The following BMPER variants were observed in gnomAD, a reference collection of about 807,000 sequenced individuals.
BMPER encodes BMP binding endothelial regulator.
In BMPER, 45 loss-of-function variants were observed where a neutral mutation model predicts 87.3. The ratio of observed to expected loss-of-function variants is 0.52; its 90% confidence interval spans 0.41 to 0.66. The LOEUF is 0.66. Ranked by LOEUF, BMPER falls within the 30% of genes least tolerant of loss-of-function variation. The pLI, the probability that BMPER is intolerant of heterozygous loss-of-function variation, is 0.00. For missense variants in BMPER, 784 were observed against 867.5 expected, an observed-to-expected ratio of 0.90 and a Z score of 1.21; for synonymous variants, 326 against 316.2, an observed-to-expected ratio of 1.03 and a Z score of -0.33.
intron 6 of BMPER, among the ~76,000 whole-genome samples, chr7:34,039,567 T>A (rs1244025606): frequency 6.7e-6 from 1 of 150,332 alleles, no homozygotes; most frequent in African/African-American, 2.4e-5. Context: ...AGTGTGAAGG[T>A]TGAGGAACTC....
At chr7:34,000,807 T>C (rs1197326368) in intron 6 of BMPER, among the ~76,000 whole-genome samples, 1 of 152,116 alleles carries the variant, frequency 6.6e-6, no homozygotes, top group Non-Finnish European at 1.5e-5. Flanking sequence ...CACCATTAAG[T>C]ATGATGCTAG....
At chr7:33,910,739 A>G (rs1783938716) in intron 2 of BMPER, among the ~76,000 whole-genome samples, 1 of 151,126 alleles carries the variant, frequency 6.6e-6, no homozygotes, top group South Asian at 2.1e-4. Flanking sequence ...CTTGGAGCCA[A>G]TCAAATAGTG....
intron 11 of BMPER, among the ~76,000 whole-genome samples, chr7:34,073,432 A>G (rs1377723821): frequency 6.6e-6 from 1 of 152,232 alleles, no homozygotes; most frequent in East Asian, 1.9e-4. Context: ...ATCTAAATAC[A>G]TCTAAACATA....
chr7:34,012,640 G>A (rs781105309), intron 6 of BMPER, among the ~76,000 whole-genome samples: 4 of 151,544 alleles, frequency 2.6e-5, no homozygotes, highest in African/African-American at 4.8e-5. Flanking sequence ...CTCAAAACCT[G>A]GGAAAAATAA....
chr7:33,992,538 C>T (rs879631321), intron 6 of BMPER, among the ~76,000 whole-genome samples: 222 of 146,818 alleles, frequency 1.5e-3, no homozygotes, highest in Middle Eastern at 3.5e-3. Context: ...GTTTCCTGAA[C>T]ACAGCACACT....
intron 3 of BMPER, among the ~76,000 whole-genome samples, chr7:33,965,875 ATGGG>A: frequency 2.7e-3 from 1 of 370 alleles, no homozygotes; most frequent in African/African-American, 0.013. Flanking sequence ...CATACTTTAG[ATGGG>A]TAGTTTCAGA....
At chr7:34,125,793 T>G (rs1432638321) in intron 13 of BMPER, among the ~76,000 whole-genome samples, 2 of 152,244 alleles carry the variant, frequency 1.3e-5, no homozygotes, top group Admixed American at 1.3e-4. Flanking sequence ...TTGTGTTGCT[T>G]AATTTGGCAT....
At chr7:34,008,474 T>C (rs1786792838) in intron 6 of BMPER, among the ~76,000 whole-genome samples, 1 of 152,026 alleles carries the variant, frequency 6.6e-6, no homozygotes, top group African/African-American at 2.4e-5. Context: ...CAGTTTTTTT[T>C]CAATTATTTT....
Position 34,078,904 on chromosome 7 carries a change from G to T in BMPER, c.1126G>T (p.Asp376Tyr). The change falls in exon 12 of 15, where the codon GAC becomes TAC. Residue 376 changes from aspartate (D) to tyrosine (Y), a missense_variant. Physicochemically the swap from Asp to Tyr is radical, Grantham distance 160. Coordinates refer to ENST00000649409, the MANE Select transcript of BMPER (RefSeq NM_001365308.1). Reference protein sequence around the residue: ...VFGDPHYNTFDGRTFNFQGTC... With the variant: ...VFGDPHYNTFYGRTFNFQGTC... ...TGGAGATCCCCACTACAACACTTTT[G>T]ACGGTCGGACATTTAACTTTCAGGG... The T allele has an allele frequency of 6.2e-7, 1 of 1,614,196 alleles. No individual in the cohort carries two copies. The highest frequency in any genetic ancestry group is 8.5e-7 in the Non-Finnish European group (1 of 1,180,040).
chr7:33,905,865 T>G, intron 1 of BMPER, 119 bp downstream of exon 1: 1 of 1,358,146 alleles, frequency 7.4e-7, no homozygotes, highest in Non-Finnish European at 1.0e-6. Context: ...GCGCTTGCCC[T>G]GCGCTGGTCG....
intron 13 of BMPER, among the ~76,000 whole-genome samples, chr7:34,100,156 G>T (rs1014358287): frequency 6.6e-6 from 1 of 152,176 alleles, no homozygotes; most frequent in Non-Finnish European, 1.5e-5. Flanking sequence ...TAAACAGCAT[G>T]ATTCCTGTCT....
intron 2 of BMPER, among the ~76,000 whole-genome samples, chr7:33,934,131 A>G (rs1464385678): frequency 6.6e-6 from 1 of 152,210 alleles, no homozygotes; most frequent in Non-Finnish European, 1.5e-5. Context: ...TCCTGAAGGC[A>G]TGGCTTTGCG....
chr7:33,976,156 A>T (rs973802473), intron 6 of BMPER, among the ~76,000 whole-genome samples: 6 of 151,846 alleles, frequency 4.0e-5, no homozygotes, highest in African/African-American at 1.5e-4. Flanking sequence ...TTTATTTTTT[A>T]TTTTTTTATT....
At chr7:33,937,561 T>A (rs572527254) in intron 3 of BMPER, 173 bp downstream of exon 3, 3 of 664,568 alleles carry the variant, frequency 4.5e-6, no homozygotes, top group African/African-American at 3.6e-5. Context: ...TGTGTATGTG[T>A]GTATCTGGGG....
intron 6 of BMPER, among the ~76,000 whole-genome samples, chr7:34,039,330 G>A (rs897714100): frequency 5.9e-5 from 9 of 152,236 alleles, no homozygotes; most frequent in African/African-American, 1.9e-4. Context: ...CGCATTCCTG[G>A]ACTGTGGTTT....
At chr7:34,016,010 G>GAA (rs1491298540) in intron 6 of BMPER, among the ~76,000 whole-genome samples, 21 of 145,422 alleles carry the variant, frequency 1.4e-4, no homozygotes, top group African/African-American at 5.0e-4. Context: ...GAGAGAGAGT[G>GAA]AGAGAGAGAG....
At chr7:34,107,506 G>C (rs1242495738) in intron 13 of BMPER, among the ~76,000 whole-genome samples, 2 of 152,206 alleles carry the variant, frequency 1.3e-5, no homozygotes, top group Non-Finnish European at 1.5e-5. Context: ...TTGGAACAAA[G>C]GCAACTGGCT....
At chr7:34,116,702 C>T (rs1412945371) in intron 13 of BMPER, among the ~76,000 whole-genome samples, 1 of 152,174 alleles carries the variant, frequency 6.6e-6, no homozygotes, top group Non-Finnish European at 1.5e-5. Flanking sequence ...TAATAAAGGC[C>T]ATCCTGGCTG....
intron 6 of BMPER, among the ~76,000 whole-genome samples, chr7:33,979,008 C>G (rs1785767004): frequency 1.3e-5 from 2 of 152,030 alleles, no homozygotes; most frequent in Non-Finnish European, 2.9e-5. Flanking sequence ...GAAGTGTGGG[C>G]ATGTGCACAC....
Sources: gnomAD v4.1 joint callset for allele counts (sites outside exome capture counted in the v4.1 genomes callset) on GRCh38, gnomAD v4.1.1 for gene constraint, MANE v1.5 for transcripts, NCBI Gene and HGNC (gene_info 2026-07-23, HGNC 2026-07-21) for gene names.